The following SLC25A48 variants were observed in gnomAD, a reference collection of about 807,000 sequenced individuals.
The protein encoded by SLC25A48 is solute carrier family 25 member 48.
Under a neutral mutation model 32.2 loss-of-function variants are expected in SLC25A48, and 29 were observed. The observed-to-expected ratio is 0.90, with a 90% confidence interval of 0.67 to 1.23. SLC25A48 has a LOEUF of 1.23. SLC25A48 is among the 50% of genes most tolerant of loss of function. The pLI, the probability that SLC25A48 is intolerant of heterozygous loss-of-function variation, is 0.00. For synonymous variants in SLC25A48, 164 were observed against 172.3 expected, an observed-to-expected ratio of 0.95 and a Z score of 0.38; for missense variants, 399 against 422.7, an observed-to-expected ratio of 0.94 and a Z score of 0.49.
chr5:135,855,911 T>G (rs1334298510), intron 4 of SLC25A48, among the ~76,000 whole-genome samples: 1 of 152,226 alleles, frequency 6.6e-6, no homozygotes, highest in East Asian at 1.9e-4. Flanking sequence ...CTTCACTTCT[T>G]GTTGTGCGAT....
intron 3 of SLC25A48, among the ~76,000 whole-genome samples, chr5:135,767,702 C>A (rs1260333703): frequency 1.3e-5 from 2 of 151,396 alleles, no homozygotes; most frequent in Non-Finnish European, 1.5e-5. Flanking sequence ...GGGTGTACAC[C>A]CACCTGTGAT....
chr5:135,646,577 G>A (rs1232527473), intron 3 of SLC25A48, among the ~76,000 whole-genome samples: 1 of 150,054 alleles, frequency 6.7e-6, no homozygotes, highest in Admixed American at 6.7e-5. Context: ...TTCATGTAAA[G>A]TACTGATTAA....
chr5:135,831,530 T>C (rs559059250), upstream of SLC25A48, among the ~76,000 whole-genome samples: 6 of 151,738 alleles, frequency 4.0e-5, no homozygotes, highest in South Asian at 1.3e-3. Flanking sequence ...TGGCATAGGG[T>C]GATGAGGAAG....
At chr5:135,662,011 C>A (rs1035105570) in intron 3 of SLC25A48, among the ~76,000 whole-genome samples, 3 of 152,100 alleles carry the variant, frequency 2.0e-5, no homozygotes, top group African/African-American at 7.2e-5. Flanking sequence ...ATAGGTGGTG[C>A]CCTATGAAAA....
intron 1 of SLC25A48, among the ~76,000 whole-genome samples, chr5:135,607,519 G>T (rs1363705945): frequency 6.6e-6 from 1 of 152,216 alleles, no homozygotes; most frequent in Non-Finnish European, 1.5e-5. Flanking sequence ...TCTAGGAGGA[G>T]AGATCCTCCC....
intron 3 of SLC25A48, among the ~76,000 whole-genome samples, chr5:135,710,281 T>C (rs574830572): frequency 3.3e-5 from 5 of 152,332 alleles, no homozygotes; most frequent in African/African-American, 1.2e-4. Flanking sequence ...GAAATGGGAA[T>C]TATAGCCTCA....
chr5:135,624,129 G>C (rs1030283013), intron 1 of SLC25A48, among the ~76,000 whole-genome samples: 5 of 152,206 alleles, frequency 3.3e-5, no homozygotes, highest in African/African-American at 9.7e-5. Flanking sequence ...TCTAGTGTTT[G>C]CAGCTTCTGA....
rs1759341576 is a variant in SLC25A48, at chr5:135,845,608, C to A, written c.90+3149C>A. 2.0e-5 allele frequency among the ~76,000 whole-genome samples: 3 copies of A among 152,228 alleles called. No individual in the cohort carries two copies. In the South Asian group the frequency reaches 6.2e-4, roughly 32 times the overall value. On this transcript the variant is annotated intron_variant, in intron 2 of 7. Coordinates refer to ENST00000681962, the MANE Select transcript of SLC25A48 (RefSeq NM_001349336.2). ...ACTCTCCAGTGACCTGGGCACAGCA[C>A]TTAACCTTCCTGAGCCTTGAATTCC... is the stretch of plus-strand genomic sequence containing the variant.
At position 135,763,764 on chromosome 5, in the gene SLC25A48, T is replaced by TAC. The variant is rs56030521; in HGVS notation, c.-520-48734_-520-48733dup. ...AACCGGAGAAATAGGAACACACACA[T>TAC]ACACACACACACACACACACACACA... On this transcript the variant is annotated intron_variant, in intron 3 of 10. Coordinates refer to the SLC25A48 transcript ENST00000646290. 8.2e-3 allele frequency among the ~76,000 whole-genome samples: 1,027 copies of TAC among 125,724 alleles called. 4 individuals carry two copies. Among genetic ancestry groups the TAC allele is most frequent in the Admixed American group, 9.1e-3 (110 of 12,066 alleles). The allele number at this position is 125,724 out of a possible 152,430, so 82.5% of individuals were successfully genotyped here. A position where few individuals can be genotyped will look rare whatever the true frequency, so the allele number is the denominator to read the frequency against.
At chr5:135,675,127 A>AT (rs1324373386) in intron 3 of SLC25A48, among the ~76,000 whole-genome samples, 2 of 152,170 alleles carry the variant, frequency 1.3e-5, no homozygotes, top group East Asian at 3.9e-4. Flanking sequence ...ACATTTATTC[A>AT]TATACCTGTT....
At chr5:135,616,106 G>T (rs1266310793) in intron 1 of SLC25A48, among the ~76,000 whole-genome samples, 2 of 152,208 alleles carry the variant, frequency 1.3e-5, no homozygotes, top group Non-Finnish European at 2.9e-5. Flanking sequence ...TAAATGTCCA[G>T]GCAGAAGACT....
intron 1 of SLC25A48, among the ~76,000 whole-genome samples, chr5:135,588,331 G>A (rs141290616): frequency 0.021 from 3,181 of 152,340 alleles, 134 homozygotes; most frequent in Admixed American, 0.1. Flanking sequence ...TTTGGATTGG[G>A]ATGAAAAACA....
intron 5 of SLC25A48, among the ~76,000 whole-genome samples, chr5:135,873,049 C>T (rs1380751360): frequency 2.0e-5 from 3 of 152,172 alleles, no homozygotes; most frequent in Non-Finnish European, 4.4e-5. Flanking sequence ...GTGATGCCCT[C>T]ACCCATGGGC....
intron 4 of SLC25A48, among the ~76,000 whole-genome samples, chr5:135,818,054 C>CTCTCTCT (rs1757773517): frequency 8.7e-5 from 7 of 80,666 alleles, no homozygotes; most frequent in African/African-American, 3.1e-4. Context: ...TCTCTCTGTT[C>CTCTCTCT]CTCTCTCTCT....
rs925880121 is a variant in SLC25A48 at position 135,650,551 on chromosome 5, A to G, written c.-521+15595A>G. On this transcript the variant is annotated intron_variant, in intron 3 of 10. Coordinates refer to the SLC25A48 transcript ENST00000646290. Reference sequence around the variant, plus strand: ...GAACAAAAAGTGCAGTCACTGATGGAGTGGAACTAAAAAAAAAACAACAAC... The same window carrying G: ...GAACAAAAAGTGCAGTCACTGATGGGGTGGAACTAAAAAAAAAACAACAAC... 7 of 310,430 alleles carry G rather than the reference A, an allele frequency of 2.3e-5. No homozygotes were observed. In the Admixed American group the frequency reaches 3.8e-4, roughly 17 times the overall value. 19.2% of individuals were successfully genotyped at this position (310,430 alleles called of 1,614,324 possible).
chr5:135,633,078 T>A (rs1752614022), intron 2 of SLC25A48, among the ~76,000 whole-genome samples: 1 of 152,096 alleles, frequency 6.6e-6, no homozygotes, highest in Non-Finnish European at 1.5e-5. Context: ...ATCTCTGCAG[T>A]TTAATAGTGA....
intron 3 of SLC25A48, among the ~76,000 whole-genome samples, chr5:135,673,363 T>C (rs55750933): frequency 0.039 from 5,898 of 152,214 alleles, 148 homozygotes; most frequent in African/African-American, 0.071. Flanking sequence ...CCTCTGAGAG[T>C]TTCAGTTCCT....
chr5:135,718,611 A>G (rs142392693), intron 3 of SLC25A48, among the ~76,000 whole-genome samples: 192 of 152,338 alleles, frequency 1.3e-3, no homozygotes, highest in African/African-American at 4.5e-3. Flanking sequence ...GATGATTCTA[A>G]TTGTAAAAAG....
In SLC25A48 at chr5:135,629,362, G is replaced by A. The variant is rs1165100810; in HGVS notation, c.-723G>A. ...CCAGGAACGCAGCACCTGTGGCTAAGTTGTGGTCTCACAGGTCAGTGTGGG... is the reference window on the plus strand; with the variant it reads ...CCAGGAACGCAGCACCTGTGGCTAAATTGTGGTCTCACAGGTCAGTGTGGG... On this transcript the variant is annotated 5_prime_UTR_variant, in exon 2 of 11. Transcript: ENST00000646290. This position sits in a 1 kb window ranked among gnomAD's most constrained non-coding sequence, Gnocchi z 4.8. 1 of 152,286 alleles carries A rather than the reference G, an allele frequency of 6.6e-6. No homozygotes were observed. Among genetic ancestry groups the A allele is most frequent in the Non-Finnish European group, 1.5e-5 (1 of 68,076 alleles). 9.4% of individuals were successfully genotyped at this position (152,286 alleles called of 1,614,324 possible).
Sources: allele counts gnomAD v4.1 joint callset (sites outside exome capture counted in the v4.1 genomes callset), GRCh38; gene constraint gnomAD v4.1.1; non-coding constraint Gnocchi (gnomAD v3.1); transcripts MANE v1.5; gene names NCBI Gene and HGNC (gene_info 2026-07-23, HGNC 2026-07-21).